AMOTL1: variants seen among roughly 807,000 people sequenced by gnomAD.
The protein encoded by AMOTL1 is angiomotin like 1.
A neutral mutation model predicts 102.9 loss-of-function variants in AMOTL1; 45 were observed. The ratio of observed to expected loss-of-function variants is 0.44; its 90% CI spans 0.34 to 0.56. The LOEUF (loss-of-function observed/expected upper bound fraction) is 0.56. Ranked by LOEUF, AMOTL1 falls within the 20% of genes least tolerant of loss-of-function variation. The pLI is 0.01. For missense variants in AMOTL1, 1,114 were observed against 1,225.6 expected (o/e 0.91, Z 1.36); for synonymous variants, 481 against 484.7 (o/e 0.99, Z 0.10).
At chr11:94,764,949 A>G (rs529151490), upstream of AMOTL1, among the ~76,000 whole-genome samples, 4 of 152,348 alleles carry the variant, frequency 2.6e-5, no homozygotes, top group South Asian at 8.3e-4. Context: ...AGAAATAGAT[A>G]GAACATGGAC....
intron 4 of AMOTL1, among the ~76,000 whole-genome samples, chr11:94,826,891 T>G (rs1242343903): frequency 6.6e-6 from 1 of 152,230 alleles, no homozygotes; most frequent in Non-Finnish European, 1.5e-5. Context: ...TTGTTTTTTT[T>G]TCTAGGTCCC....
intron 11 of AMOTL1, among the ~76,000 whole-genome samples, chr11:94,867,250 C>G (rs977279778): frequency 1.3e-5 from 2 of 152,082 alleles, no homozygotes; most frequent in Non-Finnish European, 2.9e-5. Context: ...GCCCCTGCCC[C>G]CAAAGGAAAT....
intron 6 of AMOTL1, among the ~76,000 whole-genome samples, chr11:94,847,365 A>G (rs1952437564): frequency 6.6e-6 from 1 of 152,194 alleles, no homozygotes; most frequent in African/African-American, 2.4e-5. Flanking sequence ...AATAGCTAAC[A>G]GGAGCTATAA....
intron 3 of AMOTL1, among the ~76,000 whole-genome samples, chr11:94,807,348 C>T (rs955387336): frequency 3.9e-5 from 6 of 152,098 alleles, no homozygotes; most frequent in Non-Finnish European, 7.4e-5. Flanking sequence ...AGCCAAGAAG[C>T]CCTATATTAT....
chr11:94,725,529 T>C (rs34167930), intron 1 of AMOTL1, among the ~76,000 whole-genome samples: 3,624 of 152,196 alleles, frequency 0.024, 88 homozygotes, highest in East Asian at 0.1. Flanking sequence ...TAAGATAGGA[T>C]CTTTACTCTC....
chr11:94,851,239 G>A (rs942849376), intron 7 of AMOTL1, among the ~76,000 whole-genome samples: 5 of 152,210 alleles, frequency 3.3e-5, no homozygotes, highest in African/African-American at 1.2e-4. Flanking sequence ...CCTAAGGGAG[G>A]CTGGGGCTTC....
chr11:94,792,754 A>G (rs1472615591), intron 1 of AMOTL1, among the ~76,000 whole-genome samples: 2 of 152,168 alleles, frequency 1.3e-5, no homozygotes, highest in Non-Finnish European at 2.9e-5. Flanking sequence ...GTGTGAATTC[A>G]GGTGTGTGTG....
At chr11:94,830,218 A>G (rs1296368637) in intron 5 of AMOTL1, 24 bp downstream of exon 5, 9 of 1,576,296 alleles carry the variant, frequency 5.7e-6, no homozygotes, top group Non-Finnish European at 7.7e-6. Context: ...TGTTCTCTCT[A>G]TCTAAACTAC....
intron 6 of AMOTL1, among the ~76,000 whole-genome samples, chr11:94,847,930 T>A (rs1350252798): frequency 6.6e-6 from 1 of 152,156 alleles, no homozygotes; most frequent in African/African-American, 2.4e-5. Flanking sequence ...TCAACATTAG[T>A]GTATACTTGG....
At chr11:94,761,595 A>G (rs888246573) in intron 3 of AMOTL1, among the ~76,000 whole-genome samples, 2 of 152,204 alleles carry the variant, frequency 1.3e-5, no homozygotes, top group Admixed American at 6.5e-5. Context: ...ACTTGTACCT[A>G]GCATGATACT....
At chr11:94,852,182 A>G (rs1444868299) in intron 7 of AMOTL1, among the ~76,000 whole-genome samples, 1 of 152,232 alleles carries the variant, frequency 6.6e-6, no homozygotes, top group African/African-American at 2.4e-5. Context: ...AGTGGAATTG[A>G]GCAATCAAAA....
At chr11:94,800,455 C>A in intron 3 of AMOTL1, 144 bp downstream of exon 3, 1 of 917,738 alleles carries the variant, frequency 1.1e-6, no homozygotes, top group Non-Finnish European at 1.6e-6. Flanking sequence ...ACTTTGTGGC[C>A]AGAATATATA....
In AMOTL1 at chr11:94,871,106, T is replaced by G. The variant is rs944025043; in HGVS notation, c.*311T>G. Reference sequence around the variant, plus strand: ...AAATGTATCTCTTGGGGAGGGCCTGTGTACCCCCATTCTCTGATTATAAAC... The same window carrying G: ...AAATGTATCTCTTGGGGAGGGCCTGGGTACCCCCATTCTCTGATTATAAAC... On this transcript the variant is annotated 3_prime_UTR_variant, in exon 13 of 13. Coordinates refer to ENST00000433060, the MANE Select transcript of AMOTL1 (RefSeq NM_130847.3). 1 of 218,542 alleles carries G rather than the reference T, an allele frequency of 4.6e-6. No individual in the cohort carries two copies. Among genetic ancestry groups the G allele is most frequent in the Non-Finnish European group, 9.1e-6 (1 of 109,712 alleles). 13.5% of individuals were successfully genotyped at this position (218,542 alleles called of 1,614,324 possible). A position where few individuals can be genotyped will look rare whatever the true frequency, so the allele number is the denominator to read the frequency against.
At position 94,870,774 on chromosome 11, in the gene AMOTL1, G is replaced by GATGATGGAAGTCCTCATCT. The variant is rs747986835; in HGVS notation, c.2852_2870dup (p.Ter957TyrfsTer32). Reference sequence around the variant, plus strand: ...ACAAGCCCGAGTTCCCTGATGGAGAGATGATGGAAGTCCTCATCTAACTGC... The same window carrying GATGATGGAAGTCCTCATCT: ...ACAAGCCCGAGTTCCCTGATGGAGAGATGATGGAAGTCCTCATCTATGATGGAAGTCCTCATCTAACTGC... On this transcript the variant is annotated frameshift_variant, in exon 13 of 13. Coordinates refer to ENST00000433060, the MANE Select transcript of AMOTL1 (RefSeq NM_130847.3). LOFTEE classifies it high-confidence loss of function. 24 of 1,599,304 alleles carry GATGATGGAAGTCCTCATCT rather than the reference G, an allele frequency of 1.5e-5. No homozygotes were observed. Among genetic ancestry groups the GATGATGGAAGTCCTCATCT allele is most frequent in the Non-Finnish European group, 2.0e-5 (24 of 1,171,704 alleles).
chr11:94,778,577 G>A (rs2847507), intron 1 of AMOTL1, among the ~76,000 whole-genome samples: 147,691 of 152,326 alleles, frequency 0.97, 71,711 homozygotes, highest in East Asian at 1. Context: ...AATACATGCT[G>A]GGTATAAGAG....
At chr11:94,777,073 T>C (rs1951035755) in intron 1 of AMOTL1, among the ~76,000 whole-genome samples, 1 of 152,196 alleles carries the variant, frequency 6.6e-6, no homozygotes, top group African/African-American at 2.4e-5. Context: ...AAAAGAGAAA[T>C]GGTCTAATGG....
chr11:94,743,517 T>C (rs7948098), intron 3 of AMOTL1, among the ~76,000 whole-genome samples: 17,015 of 151,996 alleles, frequency 0.11, 1,966 homozygotes, highest in East Asian at 0.28. Context: ...AAAAATGCCT[T>C]TTACAGCAGT....
At chr11:94,732,084 C>T (rs544958955) in intron 2 of AMOTL1, among the ~76,000 whole-genome samples, 20 of 152,308 alleles carry the variant, frequency 1.3e-4, no homozygotes, top group African/African-American at 4.1e-4. Flanking sequence ...ATTTCCCTAC[C>T]TCACCTCTCC....
At chr11:94,817,123 T>A (rs561940734) in intron 3 of AMOTL1, among the ~76,000 whole-genome samples, 8 of 152,274 alleles carry the variant, frequency 5.3e-5, no homozygotes, top group African/African-American at 1.9e-4. Flanking sequence ...ACTTACAGAA[T>A]TTTAAAAGAC....
Sources: gnomAD v4.1 joint callset for allele counts (sites outside exome capture counted in the v4.1 genomes callset) on GRCh38, gnomAD v4.1.1 for gene constraint, MANE v1.5 for transcripts, NCBI Gene and HGNC (gene_info 2026-07-23, HGNC 2026-07-21) for gene names.